The following CATSPERE variants were observed in gnomAD, a reference collection of about 807,000 sequenced individuals.
The protein encoded by CATSPERE is catsper channel auxiliary subunit epsilon, also known as cation channel sperm-associated auxiliary subunit epsilon.
A neutral mutation model predicts 114.1 loss-of-function variants in CATSPERE; 93 were observed. That is an observed-to-expected ratio of 0.81 (90% CI 0.69 to 0.97). The LOEUF is 0.97. Ranked by LOEUF, CATSPERE falls within the 50% of genes least tolerant of loss-of-function variation. CATSPERE has a pLI of 0.00. For missense variants in CATSPERE, 1,058 were observed against 1,131.6 expected, an observed-to-expected ratio of 0.93 and a Z score of 0.93; for synonymous variants, 341 against 384.1, an observed-to-expected ratio of 0.89 and a Z score of 1.31.
chr1:244,609,145 C>G (rs978298708), intron 18 of CATSPERE, among the ~76,000 whole-genome samples: 2 of 152,090 alleles, frequency 1.3e-5, no homozygotes, highest in African/African-American at 4.8e-5. Flanking sequence ...GAGATTGTAC[C>G]ACTGCACTCC....
intron 17 of CATSPERE, among the ~76,000 whole-genome samples, chr1:244,601,933 AAC>A (rs1278728068): frequency 6.6e-6 from 1 of 152,058 alleles, no homozygotes; most frequent in Non-Finnish European, 1.5e-5. Flanking sequence ...TAGCCTGGGC[AAC>A]AGAGCGAAAC....
intron 10 of CATSPERE, among the ~76,000 whole-genome samples, chr1:244,563,167 A>G (rs1052359153): frequency 3.9e-5 from 6 of 152,206 alleles, no homozygotes; most frequent in African/African-American, 1.2e-4. Context: ...CCAGCCTATC[A>G]TTAATGGGCA....
chr1:244,499,924 T>A (rs948575992), intron 7 of CATSPERE, among the ~76,000 whole-genome samples: 12 of 152,302 alleles, frequency 7.9e-5, no homozygotes, highest in African/African-American at 2.9e-4. Context: ...TGCCACACTG[T>A]CTTCCACAAT....
intron 8 of CATSPERE, among the ~76,000 whole-genome samples, chr1:244,539,790 G>T (rs1572644014): frequency 1.2e-5 from 1 of 82,562 alleles, no homozygotes; most frequent in Non-Finnish European, 2.4e-5. Flanking sequence ...TCTGATGGTA[G>T]TTTGTATTTC....
chr1:244,557,741 A>G lies in CATSPERE; in HGVS notation c.1030-2927A>G, dbSNP rs1187726200. On this transcript the variant is annotated intron_variant, in intron 9 of 21. Coordinates refer to ENST00000366534, the MANE Select transcript of CATSPERE (RefSeq NM_001130957.2). Reference sequence around the variant, plus strand: ...CATTAATCTTGGAATGTCAATGGCTATTTTCTCTTCAGATGTTTCTTCAAC... The same window carrying G: ...CATTAATCTTGGAATGTCAATGGCTGTTTTCTCTTCAGATGTTTCTTCAAC... Among the ~76,000 whole-genome samples the G allele has an allele frequency of 2.0e-5, 3 of 149,994 alleles. No homozygotes were observed. In the Admixed American group the frequency reaches 2.0e-4, roughly 10 times the overall value.
intron 8 of CATSPERE, among the ~76,000 whole-genome samples, chr1:244,531,521 A>T (rs558430505): frequency 2.0e-4 from 30 of 149,796 alleles, no homozygotes; most frequent in African/African-American, 5.6e-4. Context: ...AGTTTTTAAA[A>T]TTTTTTTTTT....
chr1:244,605,945 A>G, intron 18 of CATSPERE, 151 bp downstream of exon 18: 1 of 508,608 alleles, frequency 2.0e-6, no homozygotes, highest in Non-Finnish European at 3.5e-6. Flanking sequence ...TATGGCTACT[A>G]AAATTCATTT....
intron 11 of CATSPERE, among the ~76,000 whole-genome samples, chr1:244,577,946 G>A (rs892096658): frequency 6.6e-6 from 1 of 152,186 alleles, no homozygotes; most frequent in South Asian, 2.1e-4. Flanking sequence ...TACTATGGGG[G>A]AAGATGATAC....
intron 20 of CATSPERE, among the ~76,000 whole-genome samples, chr1:244,621,069 TAAAATATATATATAA>T (rs1558608852): frequency 2.1e-4 from 12 of 56,676 alleles, no homozygotes; most frequent in African/African-American, 8.6e-4. Context: ...TAAATATATA[TAAAATATATATATAA>T]ATATATATAA....
At chr1:244,599,526 T>TATTACAAC (rs1191670258) in intron 17 of CATSPERE, among the ~76,000 whole-genome samples, 2 of 152,222 alleles carry the variant, frequency 1.3e-5, no homozygotes, top group Non-Finnish European at 2.9e-5. Flanking sequence ...TGACCCGGAT[T>TATTACAAC]ATTACAACAG....
At chr1:244,582,309 T>A (rs936062776) in intron 12 of CATSPERE, among the ~76,000 whole-genome samples, 2 of 152,190 alleles carry the variant, frequency 1.3e-5, no homozygotes, top group African/African-American at 4.8e-5. Flanking sequence ...GAATTCTGTG[T>A]GAAGGCATTC....
intron 2 of CATSPERE, among the ~76,000 whole-genome samples, chr1:244,476,127 A>T (rs569704095): frequency 2.0e-5 from 3 of 152,102 alleles, no homozygotes; most frequent in Non-Finnish European, 2.9e-5. Context: ...CTTGCAAATG[A>T]TGTATATATT....
In CATSPERE at chr1:244,560,913, T is replaced by C. The variant is rs1662458209; in HGVS notation, c.1275T>C (p.Asn425=). ...AAAAGATTTTCTTAGTGATATATAA[T>C]GAAGATACAAAACAGTGGGTTTCCC... The part of the protein sequence containing the change: ...VTKKIFLVIY[N]EDTKQWVSQD... Residue 425 remains asparagine, a synonymous_variant, in exon 10 of 22, where the codon AAT becomes AAC. Coordinates refer to ENST00000366534, the MANE Select transcript of CATSPERE (RefSeq NM_001130957.2). The C allele has an allele frequency of 6.2e-7, 1 of 1,614,094 alleles. No individual in the cohort carries two copies. The highest frequency in any genetic ancestry group is 8.5e-7 in the Non-Finnish European group (1 of 1,179,956).
At position 244,499,068 on chromosome 1, in the gene CATSPERE, G is replaced by C; in HGVS notation, c.418G>C (p.Glu140Gln). 1 of 1,609,394 alleles carries C rather than the reference G, an allele frequency of 6.2e-7. No homozygotes were observed. The highest frequency in any genetic ancestry group is 1.7e-4 in the Middle Eastern group (1 of 6,050). The change falls in exon 7 of 22, where the codon GAA becomes CAA. Residue 140 changes from glutamate to glutamine, a missense_variant. By Grantham distance (29) the Glu-to-Gln change is conservative. Coordinates refer to ENST00000366534, the MANE Select transcript of CATSPERE (RefSeq NM_001130957.2). ...DPDELLGNAE[E>Q]PSINSIVLST... is the part of the protein sequence containing the mutation. ...TGATGAGTTGCTGGGGAATGCAGAA[G>C]AACCTTCAATAGTAGGTGGAAACAT... is the stretch of plus-strand genomic sequence containing the variant.
chr1:244,492,892 T>C (rs374460472), intron 6 of CATSPERE, among the ~76,000 whole-genome samples: 3 of 149,366 alleles, frequency 2.0e-5, no homozygotes, highest in Admixed American at 6.7e-5. Flanking sequence ...TTACAAGGGA[T>C]GTGAAGGACC....
At chr1:244,559,160 G>T (rs764183436) in intron 9 of CATSPERE, among the ~76,000 whole-genome samples, 1 of 152,164 alleles carries the variant, frequency 6.6e-6, no homozygotes, top group Non-Finnish European at 1.5e-5. Context: ...TCGTGTTTAT[G>T]ACGTGTTCCT....
intron 7 of CATSPERE, among the ~76,000 whole-genome samples, chr1:244,516,333 AGTTTT>A (rs1676610161): frequency 6.8e-6 from 1 of 147,186 alleles, no homozygotes; most frequent in African/African-American, 2.7e-5. Flanking sequence ...GTATCAAGAG[AGTTTT>A]GTTTGTTTGT....
intron 5 of CATSPERE, among the ~76,000 whole-genome samples, chr1:244,484,431 G>A (rs896974836): frequency 6.6e-6 from 1 of 152,340 alleles, no homozygotes; most frequent in East Asian, 1.9e-4. Context: ...ACATGAACCA[G>A]TAACAACTGT....
chr1:244,542,975 A>T (rs1659101787), intron 8 of CATSPERE, among the ~76,000 whole-genome samples: 1 of 152,244 alleles, frequency 6.6e-6, no homozygotes, highest in African/African-American at 2.4e-5. Context: ...AAGTATTGGT[A>T]AAGATGTGGA....
Sources: allele counts gnomAD v4.1 joint callset (sites outside exome capture counted in the v4.1 genomes callset), GRCh38; gene constraint gnomAD v4.1.1; transcripts MANE v1.5; gene names NCBI Gene and HGNC (gene_info 2026-07-23, HGNC 2026-07-21).